ADAMTS19: variants seen among roughly 807,000 people sequenced by gnomAD.
The protein encoded by ADAMTS19 is ADAM metallopeptidase with thrombospondin type 1 motif 19.
Under a neutral mutation model 153.3 loss-of-function variants are expected in ADAMTS19, and 93 were observed. The observed-to-expected ratio is 0.61, with a 90% CI of 0.51 to 0.72. The LOEUF (loss-of-function observed/expected upper bound fraction) is 0.72, where lower values mean the gene tolerates loss of function less well. Ranked by LOEUF, ADAMTS19 falls within the 30% of genes least tolerant of loss-of-function variation. ADAMTS19 has a pLI of 0.00. For synonymous variants in ADAMTS19, 600 were observed against 556.6 expected (o/e 1.08, Z -1.10); for missense variants, 1,482 against 1,552.1 (o/e 0.95, Z 0.76).
At chr5:129,523,033 C>T (rs533911827) in intron 3 of ADAMTS19, among the ~76,000 whole-genome samples, 24 of 144,008 alleles carry the variant, frequency 1.7e-4, no homozygotes, top group African/African-American at 3.7e-4. Context: ...CCAGCCTGGG[C>T]GGCAGAGTGA....
At chr5:129,504,462 A>C (rs1464398044) in intron 2 of ADAMTS19, among the ~76,000 whole-genome samples, 1 of 152,218 alleles carries the variant, frequency 6.6e-6, no homozygotes, top group Non-Finnish European at 1.5e-5. Flanking sequence ...TGCAAAGATT[A>C]AATCAATTAA....
intron 17 of ADAMTS19, among the ~76,000 whole-genome samples, chr5:129,681,957 C>T (rs940315786): frequency 6.6e-6 from 1 of 152,128 alleles, no homozygotes; most frequent in African/African-American, 2.4e-5. Context: ...GATTGTATTG[C>T]ATAAAATGCC....
intron 8 of ADAMTS19, among the ~76,000 whole-genome samples, chr5:129,604,208 T>A (rs987794084): frequency 8.6e-4 from 4 of 4,646 alleles, no homozygotes; most frequent in Non-Finnish European, 2.4e-3. Flanking sequence ...ATGGCACACG[T>A]TTTACCTATG....
chr5:129,630,411 G>A (rs1294972341), intron 10 of ADAMTS19, among the ~76,000 whole-genome samples: 1 of 152,046 alleles, frequency 6.6e-6, no homozygotes, highest in African/African-American at 2.4e-5. Flanking sequence ...CGAAAGGAGA[G>A]ACTTAACTCC....
chr5:129,505,189 A>C (rs1460462981), intron 2 of ADAMTS19, among the ~76,000 whole-genome samples: 2 of 152,164 alleles, frequency 1.3e-5, no homozygotes, highest in Non-Finnish European at 2.9e-5. Flanking sequence ...ACTTTATCTA[A>C]AAATCTGAGG....
intron 22 of ADAMTS19, among the ~76,000 whole-genome samples, chr5:129,736,563 C>T (rs1757676722): frequency 6.6e-6 from 1 of 151,992 alleles, no homozygotes; most frequent in South Asian, 2.1e-4. Flanking sequence ...TTTATAGAAG[C>T]CTGAAATCAC....
intron 18 of ADAMTS19, among the ~76,000 whole-genome samples, chr5:129,685,323 TGAG>T (rs1259923820): frequency 6.6e-6 from 1 of 151,006 alleles, no homozygotes; most frequent in East Asian, 2.0e-4. Context: ...TTTGGAGAGA[TGAG>T]GAGAAATAAG....
intron 21 of ADAMTS19, among the ~76,000 whole-genome samples, chr5:129,730,917 GTGT>G (rs1225648082): frequency 6.8e-6 from 1 of 147,658 alleles, no homozygotes; most frequent in Non-Finnish European, 1.5e-5. Context: ...ATTTGAGATA[GTGT>G]TGTTGTTTTT....
intron 2 of ADAMTS19, among the ~76,000 whole-genome samples, chr5:129,488,140 A>G (rs139789265): frequency 3.8e-4 from 58 of 152,234 alleles, no homozygotes; most frequent in African/African-American, 1.3e-3. Context: ...TTTATGTTGA[A>G]TTGAAAATAT....
Position 129,658,687 on chromosome 5 carries a change from G to A in ADAMTS19, c.2375G>A (p.Gly792Glu), listed in dbSNP as rs1487326673. Residue 792 changes from glycine (G) to glutamate (E), a missense_variant, in exon 15 of 23, where the codon GGA (glycine) becomes GAA (glutamate). This residue lies in a region of ADAMTS19 where 616 missense variants were observed against 724.4 expected (regional missense o/e 0.85). Transcript: ENST00000274487. ...CATTGTGGTGTATGCAATGGCAATG[G>A]AAAATCATGCAAGATCATTAAAGGG... ...EDHCGVCNGN[G>E]KSCKIIKGDF... The A allele has an allele frequency of 1.2e-6, 2 of 1,612,962 alleles. No homozygotes were observed. The highest frequency in any genetic ancestry group is 1.7e-6 in the Non-Finnish European group (2 of 1,179,460).
intron 2 of ADAMTS19, among the ~76,000 whole-genome samples, chr5:129,497,443 C>T (rs1750964037): frequency 6.6e-6 from 1 of 152,090 alleles, no homozygotes; most frequent in Non-Finnish European, 1.5e-5. Flanking sequence ...ATAGATGTCT[C>T]TAGCATAAAA....
At position 129,461,022 on chromosome 5, in the gene ADAMTS19, T is replaced by C; in HGVS notation, c.92-80T>C. The C allele has an allele frequency of 3.9e-6, 5 of 1,278,064 alleles. No homozygotes were observed. Among genetic ancestry groups the C allele is most frequent in the Admixed American group, 3.9e-5 (1 of 25,386 alleles). The allele number at this position is 1,278,064 out of a possible 1,614,324, so 79.2% of individuals were successfully genotyped here. A position where few individuals can be genotyped will look rare whatever the true frequency, so the allele number is the denominator to read the frequency against. On this transcript the variant is annotated intron_variant, in intron 1 of 22. Transcript: ENST00000274487. This position sits in a 1 kb window ranked among gnomAD's most constrained non-coding sequence, Gnocchi z 4.6. ...ATTCAACGCGAGCGCCCTGTATCTA[T>C]GGACTGTGAGCTTGGAAATGTTTGT...
rs1201112874 is a variant in ADAMTS19 at position 129,461,707 on chromosome 5, C to T, written c.697C>T (p.Leu233=). 6.5e-7 allele frequency: 1 copy of T among 1,526,920 alleles called. No individual in the cohort carries two copies. The highest frequency in any genetic ancestry group is 8.8e-7 in the Non-Finnish European group (1 of 1,141,910). 94.6% of individuals were successfully genotyped at this position (1,526,920 alleles called of 1,614,324 possible). Reference sequence around the variant, plus strand: ...AGGCTGCTTCTACACCGGAGCTGTGCTGCGGCACCCTGGCTCGCTGGCTTC... The same window carrying T: ...AGGCTGCTTCTACACCGGAGCTGTGTTGCGGCACCCTGGCTCGCTGGCTTC... The part of the protein sequence containing the change: ...DAGCFYTGAV[L]RHPGSLASFS... Residue 233 remains leucine (L), a synonymous_variant, in exon 2 of 23, where the codon CTG becomes TTG. Coordinates refer to ENST00000274487, the MANE Select transcript of ADAMTS19 (RefSeq NM_133638.6). This position sits in a 1 kb window ranked among gnomAD's most constrained non-coding sequence, Gnocchi z 4.6.
intron 21 of ADAMTS19, among the ~76,000 whole-genome samples, chr5:129,708,418 T>A (rs1308934555): frequency 1.3e-5 from 2 of 152,008 alleles, no homozygotes; most frequent in Non-Finnish European, 2.9e-5. Flanking sequence ...CCAACTTAAA[T>A]CTTCATTCAC....
rs141234613 is a variant in ADAMTS19, at chr5:129,670,217, T to G, written c.2506+4638T>G. Among the ~76,000 whole-genome samples the G allele has an allele frequency of 8.6e-3, 1,308 of 152,290 alleles. 10 individuals are homozygous for G. Among genetic ancestry groups the G allele is most frequent in the Admixed American group, 0.015 (235 of 15,286 alleles). Reference sequence around the variant, plus strand: ...GCATATCCTTGTCTGAATTTTTTATTTGTTTAAATTCTTGCTTTTCTAATG... The same window carrying G: ...GCATATCCTTGTCTGAATTTTTTATGTGTTTAAATTCTTGCTTTTCTAATG... On this transcript the variant is annotated intron_variant, in intron 16 of 22. Transcript: ENST00000274487.
At chr5:129,582,379 T>C (rs897593303) in intron 7 of ADAMTS19, among the ~76,000 whole-genome samples, 11 of 151,596 alleles carry the variant, frequency 7.3e-5, no homozygotes, top group African/African-American at 2.7e-4. Context: ...TTTTAATCTT[T>C]GTTTAAAGTC....
chr5:129,606,884 G>A (rs1217603316), intron 8 of ADAMTS19, among the ~76,000 whole-genome samples: 1 of 150,446 alleles, frequency 6.6e-6, no homozygotes, highest in Admixed American at 6.7e-5. Flanking sequence ...TGAAAGCCTG[G>A]TTGGAAATAT....
intron 2 of ADAMTS19, among the ~76,000 whole-genome samples, chr5:129,481,892 G>A (rs1189959742): frequency 2.6e-5 from 4 of 152,066 alleles, no homozygotes; most frequent in Non-Finnish European, 5.9e-5. Context: ...ATTCCTTGAA[G>A]CCCACGAGTG....
intron 10 of ADAMTS19, 42 bp downstream of exon 10, chr5:129,622,390 T>C (rs755712521): frequency 1.2e-6 from 2 of 1,608,310 alleles, no homozygotes; most frequent in Admixed American, 1.7e-5. Flanking sequence ...ATTCATTGTT[T>C]AGAAGTATTG....
Sources: gnomAD v4.1 joint callset for allele counts (sites outside exome capture counted in the v4.1 genomes callset) on GRCh38, gnomAD v4.1.1 for gene constraint, gnomAD v4.1.1 regional missense constraint, Gnocchi (gnomAD v3.1) non-coding constraint, MANE v1.5 for transcripts, NCBI Gene and HGNC (gene_info 2026-07-23, HGNC 2026-07-21) for gene names.